Variants in VAV2 observed in about 807,000 individuals in gnomAD.
VAV2 encodes the protein vav guanine nucleotide exchange factor 2.
VAV2 carries 67 observed loss-of-function variants against 132.5 expected under a neutral mutation model. That is an observed-to-expected ratio of 0.51 (90% CI 0.42 to 0.62). VAV2 has a LOEUF of 0.62. Among genes scored for constraint, VAV2 ranks in the 20% least tolerant of loss-of-function variants. The pLI is 0.00. For missense variants in VAV2, 938 were observed against 1,153.6 expected, an observed-to-expected ratio of 0.81 and a Z score of 2.71; for synonymous variants, 492 against 443.5, an observed-to-expected ratio of 1.11 and a Z score of -1.37.
At position 133,783,513 on chromosome 9, in the gene VAV2, G is replaced by A. The variant is rs761635647; in HGVS notation, c.1713C>T (p.Pro571=). The A allele has an allele frequency of 6.2e-7, 1 of 1,613,782 alleles. No individual in the cohort carries two copies. Among genetic ancestry groups the A allele is most frequent in the Non-Finnish European group, 8.5e-7 (1 of 1,179,922 alleles). Residue 571 remains proline (P), a synonymous_variant, in exon 19 of 30, where the codon CCC becomes CCT. Transcript: ENST00000371850. ...GAGGGGGGTACTCACTGAACTTGCA[G>A]GGAGGTATCACTTCCAGGCACTCCT... ...AHKECLEVIP[P]CKFTSPADLD...
In VAV2 at chr9:133,804,412, A is replaced by G. The variant is rs1835056664; in HGVS notation, c.836+1669T>C. ...CTGCCCGCACTGCAGTGGCGCTCCAAGGCAGAGATGCCCGCTGTTCCTCAG... is the reference window on the plus strand; with the variant it reads ...CTGCCCGCACTGCAGTGGCGCTCCAGGGCAGAGATGCCCGCTGTTCCTCAG... On this transcript the variant is annotated intron_variant, in intron 9 of 29. Transcript: ENST00000371850. The surrounding 1 kb of genome is among the most constrained non-coding windows in gnomAD (Gnocchi z 4.5). Among the ~76,000 whole-genome samples the G allele has an allele frequency of 6.6e-6, 1 of 152,214 alleles. No individual in the cohort carries two copies. The highest frequency in any genetic ancestry group is 1.5e-5 in the Non-Finnish European group (1 of 68,032).
In VAV2 at chr9:133,833,340, C is replaced by G. The variant is rs1050724304; in HGVS notation, c.449+932G>C. Reference sequence around the variant, plus strand: ...GGCACTCCCATACACGCAGCTCCCCCTCTTACTCCTCTCCCGGTTGTCATT... The same window carrying G: ...GGCACTCCCATACACGCAGCTCCCCGTCTTACTCCTCTCCCGGTTGTCATT... On this transcript the variant is annotated intron_variant, in intron 4 of 29. Transcript: ENST00000371850. This position sits in a 1 kb window ranked among gnomAD's most constrained non-coding sequence, Gnocchi z 5.6. Among the ~76,000 whole-genome samples, 5 of 152,222 alleles carry G rather than the reference C, an allele frequency of 3.3e-5. No homozygotes were observed. Among genetic ancestry groups the G allele is most frequent in the Admixed American group, 6.5e-5 (1 of 15,288 alleles).
chr9:133,943,139 G>A (rs746568681), intron 1 of VAV2, among the ~76,000 whole-genome samples: 11 of 152,218 alleles, frequency 7.2e-5, no homozygotes, highest in East Asian at 1.9e-4. Context: ...GAGGACGGGC[G>A]TGTGGGCAGG....
At chr9:133,957,925 A>C (rs1049475227) in intron 1 of VAV2, among the ~76,000 whole-genome samples, 1 of 150,152 alleles carries the variant, frequency 6.7e-6, no homozygotes, top group Non-Finnish European at 1.5e-5. Context: ...GCTCTCTGAA[A>C]CATGTGCTGT....
intron 2 of VAV2, among the ~76,000 whole-genome samples, chr9:133,869,193 C>T (rs1233865476): frequency 1.3e-5 from 2 of 152,102 alleles, no homozygotes; most frequent in Non-Finnish European, 2.9e-5. Context: ...GATGGGGTTT[C>T]AGCATGTTGG....
chr9:133,897,881 G>A (rs957560670), intron 2 of VAV2, among the ~76,000 whole-genome samples: 1 of 152,070 alleles, frequency 6.6e-6, no homozygotes, highest in East Asian at 1.9e-4. Context: ...TCCCTGCCAG[G>A]GAGACAGCAG....
chr9:133,956,382 C>T (rs899174566), intron 1 of VAV2, among the ~76,000 whole-genome samples: 5 of 152,102 alleles, frequency 3.3e-5, no homozygotes, highest in Non-Finnish European at 7.4e-5. Context: ...TTGGGCCCAG[C>T]GGGTCTGGGG....
chr9:133,806,945 G>A (rs918509807), intron 8 of VAV2, among the ~76,000 whole-genome samples: 3 of 152,358 alleles, frequency 2.0e-5, no homozygotes, highest in South Asian at 2.1e-4. Flanking sequence ...GCTCAAAGGG[G>A]TGGAGGGACA....
intron 1 of VAV2, among the ~76,000 whole-genome samples, chr9:133,943,263 C>A (rs1466239801): frequency 6.6e-6 from 1 of 152,174 alleles, no homozygotes; most frequent in East Asian, 1.9e-4. Context: ...AGACAGAGAC[C>A]CTGACGGTTG....
intron 2 of VAV2, among the ~76,000 whole-genome samples, chr9:133,873,107 CGGGGGGGTGGGGGA>C (rs981422547): frequency 3.2e-4 from 4 of 12,560 alleles, no homozygotes; most frequent in Non-Finnish European, 6.3e-4. Context: ...AGGGAGGGGG[CGGGGGGGTGGGGGA>C]GGGAGGAAGG....
At chr9:133,917,960 A>AT (rs1405972575) in intron 2 of VAV2, among the ~76,000 whole-genome samples, 1 of 75,692 alleles carries the variant, frequency 1.3e-5, no homozygotes, top group Non-Finnish European at 2.5e-5. Context: ...GCCCCGGCCC[A>AT]TCGCCACTTC....
chr9:133,883,084 C>T lies in VAV2; in HGVS notation c.322-21652G>A, dbSNP rs1415860609. ...CCCAGGGAACAACCTCCCCAGGCTC[C>T]ATCCCTATGTCCCCACCCCCTGCTG... is the stretch of plus-strand genomic sequence containing the variant. On this transcript the variant is annotated intron_variant, in intron 2 of 29. Transcript: ENST00000371850. The surrounding 1 kb of genome is among the most constrained non-coding windows in gnomAD (Gnocchi z 4.2). Among the ~76,000 whole-genome samples the T allele has an allele frequency of 1.3e-5, 2 of 152,016 alleles. No individual in the cohort carries two copies. Among genetic ancestry groups the T allele is most frequent in the African/African-American group, 4.8e-5 (2 of 41,390 alleles).
intron 10 of VAV2, 75 bp downstream of exon 10, chr9:133,797,635 T>C (rs527967063): frequency 7.7e-7 from 1 of 1,301,210 alleles, no homozygotes; most frequent in South Asian, 1.4e-5. Context: ...AGAGAGAGGC[T>C]GGTACCTAAC....
At chr9:133,813,222 T>C (rs185970386) in intron 4 of VAV2, among the ~76,000 whole-genome samples, 13 of 152,276 alleles carry the variant, frequency 8.5e-5, no homozygotes, top group African/African-American at 2.9e-4. Context: ...CAAGGACACA[T>C]CTCACATCCC....
At chr9:133,862,876 G>GA (rs966645127) in intron 2 of VAV2, among the ~76,000 whole-genome samples, 6 of 152,262 alleles carry the variant, frequency 3.9e-5, no homozygotes, top group Non-Finnish European at 8.8e-5. Context: ...GAAGAGGAAA[G>GA]AAAATGAACC....
At chr9:133,849,061 T>C (rs553022768) in intron 3 of VAV2, among the ~76,000 whole-genome samples, 2 of 152,370 alleles carry the variant, frequency 1.3e-5, no homozygotes, top group African/African-American at 4.8e-5. Context: ...TTTTTAATGC[T>C]GACAGTTGCT....
Position 133,826,721 on chromosome 9 carries a change from G to T in VAV2, c.449+7551C>A, listed in dbSNP as rs1159629289. ...ATGTCCTTCCTTTGGCCTCTCTTCT[G>T]CCCTGAGTGGGAGCTTTCAAATTTC... is the stretch of plus-strand genomic sequence containing the variant. On this transcript the variant is annotated intron_variant, in intron 4 of 29. Coordinates refer to ENST00000371850, the MANE Select transcript of VAV2 (RefSeq NM_001134398.2). The surrounding 1 kb of genome is among the most constrained non-coding windows in gnomAD (Gnocchi z 4.2). Among the ~76,000 whole-genome samples, 1 of 152,148 alleles carries T rather than the reference G, an allele frequency of 6.6e-6. No homozygotes were observed. Among genetic ancestry groups the T allele is most frequent in the Non-Finnish European group, 1.5e-5 (1 of 68,024 alleles).
rs534202188 is a variant in VAV2 at position 133,787,951 on chromosome 9, G to A, written c.1407+403C>T. Among the ~76,000 whole-genome samples, 31 of 152,370 alleles carry A rather than the reference G, an allele frequency of 2.0e-4. No individual in the cohort carries two copies. In the South Asian group the frequency reaches 5.8e-3, roughly 28 times the overall value. On this transcript the variant is annotated intron_variant, in intron 15 of 29. Coordinates refer to ENST00000371850, the MANE Select transcript of VAV2 (RefSeq NM_001134398.2). ...CCCTCCTCCAAGCACCGCAGGGTGGGACGGGAGAGGAAAGCCTGCTTGCTA... is the reference window on the plus strand; with the variant it reads ...CCCTCCTCCAAGCACCGCAGGGTGGAACGGGAGAGGAAAGCCTGCTTGCTA...
intron 3 of VAV2, among the ~76,000 whole-genome samples, chr9:133,856,298 A>G (rs1747238455): frequency 6.6e-6 from 1 of 152,188 alleles, no homozygotes; most frequent in South Asian, 2.1e-4. Flanking sequence ...ATGTATTTCA[A>G]TTTTTACAAG....
Sources: allele counts gnomAD v4.1 joint callset (sites outside exome capture counted in the v4.1 genomes callset), GRCh38; gene constraint gnomAD v4.1.1; non-coding constraint Gnocchi (gnomAD v3.1); transcripts MANE v1.5; gene names NCBI Gene and HGNC (gene_info 2026-07-23, HGNC 2026-07-21).